Variants in COL11A1 observed in about 807,000 individuals in gnomAD.
COL11A1 encodes collagen type XI alpha 1 chain, also known as collagen alpha-1(XI) chain.
COL11A1 carries 74 observed loss-of-function variants against 265.2 expected under a neutral mutation model. The ratio of observed to expected loss-of-function variants is 0.28; its 90% confidence interval spans 0.23 to 0.34. COL11A1 has a LOEUF of 0.34. Among genes scored for constraint, COL11A1 ranks in the 10% least tolerant of loss-of-function variants. COL11A1 has a pLI of 1.00. For synonymous variants in COL11A1, 816 were observed against 727.6 expected, an observed-to-expected ratio of 1.12 and a Z score of -1.96; for missense variants, 2,165 against 2,263.6, an observed-to-expected ratio of 0.96 and a Z score of 0.88.
chr1:103,004,701 A>T (rs1352813019), intron 18 of COL11A1, 40 bp from the exon 19 acceptor site: 1 of 1,541,214 alleles, frequency 6.5e-7, no homozygotes, highest in Admixed American at 1.7e-5. Flanking sequence ...TATGGAAAGA[A>T]GTAGAATGTT....
At chr1:103,101,844 T>C (rs1674295889) in intron 1 of COL11A1, among the ~76,000 whole-genome samples, 1 of 152,152 alleles carries the variant, frequency 6.6e-6, no homozygotes, top group Non-Finnish European at 1.5e-5. Context: ...GTATTTAAGC[T>C]GGTCTCTTAC....
intron 1 of COL11A1, among the ~76,000 whole-genome samples, chr1:103,098,901 G>C (rs933241829): frequency 2.0e-5 from 3 of 151,814 alleles, no homozygotes; most frequent in African/African-American, 7.2e-5. Flanking sequence ...CCAAAATAGA[G>C]ACTGATAGTC....
chr1:103,016,135 A>G (rs1275741104), intron 11 of COL11A1, among the ~76,000 whole-genome samples: 1 of 152,046 alleles, frequency 6.6e-6, no homozygotes, highest in Non-Finnish European at 1.5e-5. Context: ...AAAAATTACT[A>G]GGTTTAAGGT....
chr1:103,059,158 TGCAGTGCA>T (rs1381606888), intron 4 of COL11A1, among the ~76,000 whole-genome samples: 2 of 152,176 alleles, frequency 1.3e-5, no homozygotes, highest in Admixed American at 1.3e-4. Context: ...TGTGCCTAAC[TGCAGTGCA>T]GCATTATCCT....
At chr1:103,044,574 G>A (rs1440718422) in intron 4 of COL11A1, among the ~76,000 whole-genome samples, 3 of 152,024 alleles carry the variant, frequency 2.0e-5, no homozygotes, top group African/African-American at 4.8e-5. Flanking sequence ...TCTTACTAAA[G>A]CATAACTACC....
chr1:102,890,822 T>A (rs1045744303), intron 57 of COL11A1, among the ~76,000 whole-genome samples: 2 of 152,208 alleles, frequency 1.3e-5, no homozygotes, highest in Non-Finnish European at 2.9e-5. Flanking sequence ...TTCCAAATTA[T>A]ATATCCAGTT....
At chr1:102,989,400 C>A in intron 29 of COL11A1, 118 bp downstream of exon 29, 1 of 543,412 alleles carries the variant, frequency 1.8e-6, no homozygotes, top group African/African-American at 2.0e-5. Flanking sequence ...TGAGTAAAGA[C>A]TTAGGTAGTA....
At chr1:102,964,011 C>T (rs1397088000) in intron 38 of COL11A1, among the ~76,000 whole-genome samples, 4 of 151,854 alleles carry the variant, frequency 2.6e-5, no homozygotes, top group African/African-American at 7.3e-5. Flanking sequence ...TTTTTTTTCT[C>T]TTAAAAAGGA....
chr1:102,998,618 CA>C lies in COL11A1; in HGVS notation c.2143-256del, dbSNP rs774265350. Among the ~76,000 whole-genome samples the C allele has an allele frequency of 4.6e-5, 7 of 151,388 alleles. No homozygotes were observed. In the East Asian group the frequency reaches 1.2e-3, roughly 25 times the overall value. ...TTAGATAGGTCTTTTTTTAAATTAG[CA>C]AATTAGTTTTTGAATACCACAATAA... On this transcript the variant is annotated intron_variant, in intron 24 of 66. Coordinates refer to ENST00000370096, the MANE Select transcript of COL11A1 (RefSeq NM_001854.4).
rs200564832 is a variant in COL11A1, at chr1:102,897,441, A to T, written c.4302+684T>A. Among the ~76,000 whole-genome samples the T allele has an allele frequency of 4.4e-4, 66 of 150,514 alleles. 1 individual carries two copies. Among genetic ancestry groups the T allele is most frequent in the Admixed American group, 1.7e-3 (26 of 15,102 alleles). ...TCAAAAATCTCTACCATAAGAAAAA[A>T]AAATATATATATATATAAAGCAACT... On this transcript the variant is annotated intron_variant, in intron 57 of 66. Coordinates refer to ENST00000370096, the MANE Select transcript of COL11A1 (RefSeq NM_001854.4).
intron 49 of COL11A1, 116 bp from the exon 50 acceptor site, chr1:102,915,800 A>C: frequency 1.2e-6 from 1 of 829,950 alleles, no homozygotes; most frequent in Non-Finnish European, 1.9e-6. Flanking sequence ...ATTATTTAAA[A>C]GGCATTGAAA....
intron 42 of COL11A1, among the ~76,000 whole-genome samples, chr1:102,945,247 ACTCTCTCTCTCTCTCTCTCTCTCT>A (rs3056651): frequency 7.7e-6 from 1 of 129,176 alleles, no homozygotes; most frequent in African/African-American, 3.0e-5. Flanking sequence ...TTTTCTTTTT[ACTCTCTCTCTCTCTCTCTCTCTCT>A]CTCTCTCTCT....
At chr1:102,889,836 T>A (rs546376827) in intron 58 of COL11A1, among the ~76,000 whole-genome samples, 1 of 152,250 alleles carries the variant, frequency 6.6e-6, no homozygotes, top group South Asian at 2.1e-4. Flanking sequence ...TTTTAAGTGT[T>A]CCATTTGAGG....
At chr1:102,976,316 T>TTTTTTTG in intron 35 of COL11A1, among the ~76,000 whole-genome samples, 1 of 108,078 alleles carries the variant, frequency 9.3e-6, no homozygotes, top group Non-Finnish European at 1.8e-5. Flanking sequence ...TTTTTTTTTT[T>TTTTTTTG]GAGACAGAGT....
At chr1:103,040,573 T>A (rs1387823031) in intron 4 of COL11A1, among the ~76,000 whole-genome samples, 1 of 151,572 alleles carries the variant, frequency 6.6e-6, no homozygotes, top group African/African-American at 2.4e-5. Flanking sequence ...CTTTAAATGA[T>A]TAACATTTAA....
At chr1:103,044,936 T>C (rs1254384433) in intron 4 of COL11A1, among the ~76,000 whole-genome samples, 2 of 152,008 alleles carry the variant, frequency 1.3e-5, no homozygotes, top group African/African-American at 2.4e-5. Context: ...TATTATAAAG[T>C]GCAATCATGG....
At chr1:102,989,666 G>T in intron 28 of COL11A1, 95 bp from the exon 29 acceptor site, 1 of 789,334 alleles carries the variant, frequency 1.3e-6, no homozygotes, top group Non-Finnish European at 2.1e-6. Flanking sequence ...GATAACGAGG[G>T]AAAATTATTT....
Position 102,879,696 on chromosome 1 carries a change from T to C in COL11A1, c.5261A>G (p.Tyr1754Cys), listed in dbSNP as rs778059956. Residue 1754 changes from tyrosine (Y) to cysteine (C), a missense_variant, in exon 66 of 67, where the codon TAT (tyrosine) becomes TGT (cysteine). Coordinates refer to ENST00000370096, the MANE Select transcript of COL11A1 (RefSeq NM_001854.4). ...YDNNPFIKTL[Y>C]DGCASRKGYE... ...ACTTATACTCACCGCACAACCATCA[T>C]ACAGTGTTTTGATAAAAGGATTATT... 4 of 1,613,450 alleles carry C rather than the reference T, an allele frequency of 2.5e-6. No individual in the cohort carries two copies. The South Asian group carries it at 3.3e-5, about 13-fold the overall frequency.
intron 30 of COL11A1, among the ~76,000 whole-genome samples, chr1:102,986,600 A>G (rs910975612): frequency 2.6e-5 from 4 of 152,306 alleles, no homozygotes; most frequent in Non-Finnish European, 5.9e-5. Flanking sequence ...ATATAGACAT[A>G]TACATATAGA....
Sources: allele counts gnomAD v4.1 joint callset (sites outside exome capture counted in the v4.1 genomes callset), GRCh38; gene constraint gnomAD v4.1.1; transcripts MANE v1.5; gene names NCBI Gene and HGNC (gene_info 2026-07-23, HGNC 2026-07-21).